The following PARD3 variants were observed in gnomAD, a reference collection of about 807,000 sequenced individuals.
The protein encoded by PARD3 is par-3 family cell polarity regulator, also known as partitioning defective 3 homolog.
In PARD3, 75 loss-of-function variants were observed where a neutral mutation model predicts 155.4. The ratio of observed to expected loss-of-function variants is 0.48; its 90% CI spans 0.40 to 0.58. The LOEUF is 0.58. Ranked by LOEUF, PARD3 falls within the 20% of genes least tolerant of loss-of-function variation. The probability of loss-of-function intolerance (pLI) is 0.00; values close to 1 mark genes in which losing one functional copy is unlikely to be tolerated. For missense variants in PARD3, 1,642 were observed against 1,721.7 expected (o/e 0.95, Z 0.82); for synonymous variants, 576 against 610.5 (o/e 0.94, Z 0.83).
At chr10:34,574,586 T>G (rs2086741148) in intron 2 of PARD3, among the ~76,000 whole-genome samples, 1 of 152,236 alleles carries the variant, frequency 6.6e-6, no homozygotes, top group African/African-American at 2.4e-5. Context: ...AAAACGGCTT[T>G]CAGGCCTCAC....
In PARD3 at chr10:34,317,373, G is replaced by A. The variant is rs116379855; in HGVS notation, c.2834-35C>T. ...AAAGAAAAAAAAATAGGGACACAGT[G>A]AACCAACGCAACAAAAATAATAAAG... On this transcript the variant is annotated intron_variant, in intron 19 of 24. Coordinates refer to ENST00000374788, the MANE Select transcript of PARD3 (RefSeq NM_001184785.2). 8.9e-4 allele frequency: 1,393 copies of A among 1,561,506 alleles called. 13 individuals carry two copies. In the African/African-American group the frequency reaches 0.016, roughly 18 times the overall value.
At chr10:34,601,994 T>C (rs759442982) in intron 2 of PARD3, among the ~76,000 whole-genome samples, 1 of 152,194 alleles carries the variant, frequency 6.6e-6, no homozygotes, top group Non-Finnish European at 1.5e-5. Context: ...ATTACTTGTA[T>C]AGAGATTGTT....
At chr10:34,536,825 C>T (rs1267170605) in intron 2 of PARD3, among the ~76,000 whole-genome samples, 1 of 152,284 alleles carries the variant, frequency 6.6e-6, no homozygotes, top group East Asian at 1.9e-4. Flanking sequence ...ACACAGTCAA[C>T]ACCTTGGATG....
intron 2 of PARD3, among the ~76,000 whole-genome samples, chr10:34,612,098 T>A (rs1210707485): frequency 2.0e-5 from 3 of 152,076 alleles, no homozygotes; most frequent in Non-Finnish European, 2.9e-5. Context: ...AGTGCTCGGA[T>A]TACAGGCGTG....
intron 2 of PARD3, among the ~76,000 whole-genome samples, chr10:34,534,247 C>G (rs145954569): frequency 0.017 from 2,462 of 148,770 alleles, 66 homozygotes; most frequent in African/African-American, 0.058. Context: ...GCCTGGGTGA[C>G]AGAGCGAGAC....
At chr10:34,524,250 C>T (rs1433401712) in intron 2 of PARD3, among the ~76,000 whole-genome samples, 1 of 152,188 alleles carries the variant, frequency 6.6e-6, no homozygotes, top group Non-Finnish European at 1.5e-5. Flanking sequence ...CAGGAGACCA[C>T]CATCATCATA....
At position 34,416,127 on chromosome 10, in the gene PARD3, G is replaced by A. The variant is rs535417876; in HGVS notation, c.715-14210C>T. Among the ~76,000 whole-genome samples, 3 of 152,262 alleles carry A rather than the reference G, an allele frequency of 2.0e-5. No individual in the cohort carries two copies. The East Asian group carries it at 5.8e-4, about 29-fold the overall frequency. ...GTAGGTCTACCCTCCTCAAAAGAGA[G>A]CTACTTAATAATAGGACACACCGCT... On this transcript the variant is annotated intron_variant, in intron 5 of 24. Transcript: ENST00000374788.
intron 22 of PARD3, among the ~76,000 whole-genome samples, chr10:34,250,645 G>A (rs1187701255): frequency 1.4e-5 from 2 of 145,184 alleles, no homozygotes; most frequent in Middle Eastern, 3.4e-3. Context: ...TTCAGATTTT[G>A]TTTATCATTT....
At chr10:34,112,205 G>C (rs894091114) in intron 24 of PARD3, among the ~76,000 whole-genome samples, 1 of 152,202 alleles carries the variant, frequency 6.6e-6, no homozygotes, top group African/African-American at 2.4e-5. Context: ...ATTGGACGGA[G>C]AGTCCGGAAG....
intron 22 of PARD3, among the ~76,000 whole-genome samples, chr10:34,149,066 G>C (rs1046012040): frequency 2.6e-5 from 4 of 152,022 alleles, no homozygotes; most frequent in African/African-American, 9.7e-5. Flanking sequence ...CTTGATATCA[G>C]GGATTTTAAA....
chr10:34,660,901 T>A (rs1319980712), intron 2 of PARD3, among the ~76,000 whole-genome samples: 1 of 152,056 alleles, frequency 6.6e-6, no homozygotes, highest in Non-Finnish European at 1.5e-5. Flanking sequence ...ATTTTTTAAA[T>A]TTTTTTTGGT....
intron 24 of PARD3, among the ~76,000 whole-genome samples, chr10:34,111,798 G>A (rs1946397915): frequency 6.6e-6 from 1 of 152,174 alleles, no homozygotes; most frequent in Non-Finnish European, 1.5e-5. Context: ...GAACTAGACT[G>A]TGCAGCTATT....
intron 1 of PARD3, among the ~76,000 whole-genome samples, chr10:34,707,720 T>C (rs1169893605): frequency 6.6e-6 from 1 of 152,198 alleles, no homozygotes; most frequent in Non-Finnish European, 1.5e-5. Context: ...CATATTTGTC[T>C]CCTATAAGCA....
rs144914328 is a variant in PARD3 at position 34,262,750 on chromosome 10, T to C, written c.3419+6907A>G. 3.4e-3 allele frequency among the ~76,000 whole-genome samples: 517 copies of C among 152,334 alleles called. 3 individuals carry two copies. Among genetic ancestry groups the C allele is most frequent in the South Asian group, 0.022 (106 of 4,830 alleles). On this transcript the variant is annotated intron_variant, in intron 22 of 24. Transcript: ENST00000374788. ...GCAAACCATGAGGAACTTCAAAGAATTTCATGCAAGTACAAAATGAAAACC... is the reference window on the plus strand; with the variant it reads ...GCAAACCATGAGGAACTTCAAAGAACTTCATGCAAGTACAAAATGAAAACC...
chr10:34,386,049 T>C (rs1384102172), intron 7 of PARD3, among the ~76,000 whole-genome samples: 1 of 152,230 alleles, frequency 6.6e-6, no homozygotes, highest in Admixed American at 6.5e-5. Context: ...AAAGTCCTAT[T>C]TCACTTGTAA....
chr10:34,128,016 A>G (rs1252855269), intron 23 of PARD3, among the ~76,000 whole-genome samples: 4 of 152,220 alleles, frequency 2.6e-5, no homozygotes, highest in Non-Finnish European at 4.4e-5. Flanking sequence ...GAAAAATGCC[A>G]TTAATAGTAA....
chr10:34,228,999 C>A (rs1952770669), intron 22 of PARD3, among the ~76,000 whole-genome samples: 1 of 152,022 alleles, frequency 6.6e-6, no homozygotes, highest in South Asian at 2.1e-4. Flanking sequence ...CTCTGTTTCT[C>A]CTGAGTAGAG....
intron 22 of PARD3, among the ~76,000 whole-genome samples, chr10:34,219,888 A>G (rs1009905708): frequency 3.3e-5 from 5 of 152,210 alleles, no homozygotes; most frequent in Non-Finnish European, 5.9e-5. Flanking sequence ...GATCTTTCCA[A>G]TCAAAGGCTA....
intron 22 of PARD3, among the ~76,000 whole-genome samples, chr10:34,206,416 T>C (rs1951483243): frequency 6.6e-6 from 1 of 152,218 alleles, no homozygotes; most frequent in Admixed American, 6.5e-5. Flanking sequence ...TTTTATGGCC[T>C]TCCTTGGGCT....
Sources: allele counts gnomAD v4.1 joint callset (sites outside exome capture counted in the v4.1 genomes callset), GRCh38; gene constraint gnomAD v4.1.1; transcripts MANE v1.5; gene names NCBI Gene and HGNC (gene_info 2026-07-23, HGNC 2026-07-21).